The following AOPEP variants were observed in gnomAD, a reference collection of about 807,000 sequenced individuals.
AOPEP encodes aminopeptidase O (putative).
Under a neutral mutation model 98.1 loss-of-function variants are expected in AOPEP, and 77 were observed. The ratio of observed to expected loss-of-function variants is 0.78; its 90% CI spans 0.65 to 0.95. The LOEUF is 0.95. Ranked by LOEUF, AOPEP falls within the 40% of genes least tolerant of loss-of-function variation. The pLI, the probability that AOPEP is intolerant of heterozygous loss-of-function variation, is 0.00. For missense variants in AOPEP, 1,024 were observed against 1,024.7 expected (o/e 1.00, Z 0.01); for synonymous variants, 346 against 365.3 (o/e 0.95, Z 0.60).
the AOPEP span, among the ~76,000 whole-genome samples, chr9:95,114,887 G>A: frequency 6.6e-6 from 1 of 152,188 alleles, no homozygotes; most frequent in African/African-American, 2.4e-5. Context: ...GCCTGGGGAA[G>A]TAAGATCTGT....
At chr9:95,098,046 C>T in the AOPEP span, among the ~76,000 whole-genome samples, 4 of 152,066 alleles carry the variant, frequency 2.6e-5, no homozygotes, top group African/African-American at 4.8e-5. Context: ...GGGAGAAGCA[C>T]GGGGAACTGT....
intron 11 of AOPEP, among the ~76,000 whole-genome samples, chr9:94,985,557 A>C (rs2060468242): frequency 6.6e-6 from 1 of 152,226 alleles, no homozygotes; most frequent in Non-Finnish European, 1.5e-5. Context: ...ACTCAATCTC[A>C]GTGGTGTCTA....
At chr9:94,974,340 A>G (rs2138541061) in intron 10 of AOPEP, among the ~76,000 whole-genome samples, 1 of 152,194 alleles carries the variant, frequency 6.6e-6, no homozygotes, top group East Asian at 1.9e-4. Flanking sequence ...AGAAATCTGG[A>G]TTTTTTTCCT....
intron 13 of AOPEP, among the ~76,000 whole-genome samples, chr9:95,038,086 A>G (rs939723781): frequency 1.3e-5 from 2 of 152,194 alleles, no homozygotes; most frequent in African/African-American, 4.8e-5. Context: ...TGTCTCCCAC[A>G]CCGAAAGTTA....
chr9:95,003,419 T>G (rs979805551), intron 11 of AOPEP, among the ~76,000 whole-genome samples: 1 of 152,226 alleles, frequency 6.6e-6, no homozygotes, highest in Non-Finnish European at 1.5e-5. Flanking sequence ...ATGGCTCATA[T>G]CACAGTTTCT....
rs894723338 is a variant in AOPEP at position 95,082,700 on chromosome 9, C to T, written c.2445C>T (p.Ala815=). 2.5e-6 allele frequency: 4 copies of T among 1,614,128 alleles called. No individual in the cohort carries two copies. The highest frequency in any genetic ancestry group is 2.2e-5 in the East Asian group (1 of 44,876). The change falls in exon 16 of 17, where the codon GCC becomes GCT. Residue 815 remains alanine (A), a synonymous_variant. Transcript: ENST00000375315. Reference sequence around the variant, plus strand: ...ATAGGTCCTCAGCCCAGGTGGTGGCCGAAATGTTATTTTAACGAGGTGATT... The same window carrying T: ...ATAGGTCCTCAGCCCAGGTGGTGGCTGAAATGTTATTTTAACGAGGTGATT... ...QMDRSSAQVV[A]EMLF
At position 95,005,194 on chromosome 9, in the gene AOPEP, G is replaced by A; in HGVS notation, c.2014G>A (p.Gly672Arg). 1 of 1,140,344 alleles carries A rather than the reference G, an allele frequency of 8.8e-7. No homozygotes were observed. 70.6% of individuals were successfully genotyped at this position (1,140,344 alleles called of 1,614,324 possible). A position where few individuals can be genotyped will look rare whatever the true frequency, so the allele number is the denominator to read the frequency against. The change falls in exon 12 of 17, where the codon GGG (glycine) becomes AGG (arginine). Residue 672 changes from glycine (G) to arginine (R), a missense_variant. Around this residue, in one of 3 missense-constraint regions of AOPEP, gnomAD observed 566 missense variants for 551.7 expected, o/e 1.03. Transcript: ENST00000375315. ...GGAGCGTCGCGCCGGGGCGGAGTGC[G>A]GGCTTGCGCGGCAAGTGCGCGCCGA... ...QRERRAGAEC[G>R]LARQVRAEVT...
chr9:95,107,312 G>GGACA, the AOPEP span: 4 of 1,583,896 alleles, frequency 2.5e-6, no homozygotes, highest in Non-Finnish European at 2.6e-6. Context: ...GGAAGAGGCA[G>GGACA]GACAGACATA....
intron 14 of AOPEP, 50 bp downstream of exon 14, chr9:95,060,860 G>C (rs1175783423): frequency 6.1e-6 from 7 of 1,139,100 alleles, no homozygotes; most frequent in Non-Finnish European, 9.4e-6. Flanking sequence ...CACTGTTGTT[G>C]AAGAATGGTG....
chr9:94,743,483 A>G (rs977865982), intron 1 of AOPEP, among the ~76,000 whole-genome samples: 1 of 152,252 alleles, frequency 6.6e-6, no homozygotes, highest in Non-Finnish European at 1.5e-5. Flanking sequence ...CAGTCACAAA[A>G]TAGAAAAGGT....
the AOPEP span, among the ~76,000 whole-genome samples, chr9:95,120,432 T>A: frequency 6.6e-6 from 1 of 150,974 alleles, no homozygotes; most frequent in Admixed American, 6.6e-5. Flanking sequence ...TTTTTTTTTT[T>A]AAGACAGCAT....
chr9:95,029,395 C>T (rs926125577), intron 13 of AOPEP, among the ~76,000 whole-genome samples: 4 of 152,138 alleles, frequency 2.6e-5, no homozygotes, highest in Non-Finnish European at 4.4e-5. Flanking sequence ...CCCTGTAAAC[C>T]GGTGTGGCCC....
At chr9:95,094,478 G>A in the AOPEP span, among the ~76,000 whole-genome samples, 1 of 152,020 alleles carries the variant, frequency 6.6e-6, no homozygotes, top group Admixed American at 6.5e-5. Flanking sequence ...TTCAACACTC[G>A]TGCCCCACTT....
At chr9:95,122,241 T>C in the AOPEP span, among the ~76,000 whole-genome samples, 1 of 152,000 alleles carries the variant, frequency 6.6e-6, no homozygotes, top group African/African-American at 2.4e-5. Context: ...TTATTAGATA[T>C]CAGGTTTACA....
chr9:95,020,518 C>T (rs557839193), intron 13 of AOPEP, among the ~76,000 whole-genome samples: 5 of 151,782 alleles, frequency 3.3e-5, no homozygotes, highest in South Asian at 2.1e-4. Context: ...TCAAATTGTG[C>T]TTTTCATGTT....
intron 5 of AOPEP, among the ~76,000 whole-genome samples, chr9:94,867,357 TG>T (rs1031420141): frequency 2.0e-4 from 30 of 152,208 alleles, no homozygotes; most frequent in Non-Finnish European, 1.5e-5. Context: ...CGAGGTGGCC[TG>T]GAATGTCTAG....
chr9:95,066,371 T>C (rs1206674820), intron 14 of AOPEP, among the ~76,000 whole-genome samples: 1 of 152,236 alleles, frequency 6.6e-6, no homozygotes, highest in Non-Finnish European at 1.5e-5. Context: ...CTTTCTTTTT[T>C]AGATAAATAA....
the AOPEP span, among the ~76,000 whole-genome samples, chr9:95,124,307 T>C: frequency 6.6e-6 from 1 of 152,096 alleles, no homozygotes; most frequent in South Asian, 2.1e-4. Flanking sequence ...ACAGGCAATG[T>C]GTCCCATAAA....
At chr9:94,998,818 T>C (rs2061388792) in intron 11 of AOPEP, among the ~76,000 whole-genome samples, 1 of 152,224 alleles carries the variant, frequency 6.6e-6, no homozygotes, top group African/African-American at 2.4e-5. Flanking sequence ...TCAACTTACA[T>C]TATTCTCTCC....
Sources: allele counts gnomAD v4.1 joint callset (sites outside exome capture counted in the v4.1 genomes callset), GRCh38; gene constraint gnomAD v4.1.1; regional missense constraint gnomAD v4.1.1; transcripts MANE v1.5; gene names NCBI Gene and HGNC (gene_info 2026-07-23, HGNC 2026-07-21).